ATP8A1: variants seen among roughly 807,000 people sequenced by gnomAD.
ATP8A1 encodes the protein phospholipid-transporting ATPase IA.
In ATP8A1, 90 loss-of-function variants were observed where a neutral mutation model predicts 177.7. The ratio of observed to expected loss-of-function variants is 0.51; its 90% CI spans 0.43 to 0.60. The LOEUF (loss-of-function observed/expected upper bound fraction) is 0.60, where lower values mean the gene tolerates loss of function less well. Ranked by LOEUF, ATP8A1 falls within the 20% of genes least tolerant of loss-of-function variation. ATP8A1 has a pLI of 0.00. For missense variants in ATP8A1, 1,072 were observed against 1,392.8 expected, an observed-to-expected ratio of 0.77 and a Z score of 3.67; for synonymous variants, 493 against 485.9, an observed-to-expected ratio of 1.01 and a Z score of -0.19.
At chr4:42,417,644 G>A (rs1713397554) in intron 35 of ATP8A1, among the ~76,000 whole-genome samples, 1 of 152,230 alleles carries the variant, frequency 6.6e-6, no homozygotes, top group South Asian at 2.1e-4. Context: ...GAATGTGTTG[G>A]AACGTGTTGT....
chr4:42,560,737 G>C lies in ATP8A1; in HGVS notation c.1341-4697C>G, dbSNP rs146855297. 2.4e-3 allele frequency among the ~76,000 whole-genome samples: 368 copies of C among 152,032 alleles called. 3 individuals are homozygous for C. The highest frequency in any genetic ancestry group is 8.4e-3 in the African/African-American group (347 of 41,480). ...TTTAACTACATAACATGCACATACA[G>C]GGAATTTCTTTATTTAGGAGCTGGT... On this transcript the variant is annotated intron_variant, in intron 15 of 36. Coordinates refer to ENST00000381668, the MANE Select transcript of ATP8A1 (RefSeq NM_006095.2).
chr4:42,550,409 A>G (rs1408837711), intron 18 of ATP8A1, among the ~76,000 whole-genome samples: 1 of 152,142 alleles, frequency 6.6e-6, no homozygotes, highest in Non-Finnish European at 1.5e-5. Flanking sequence ...TGATAGGAGC[A>G]TTTTGTTCCA....
chr4:42,547,913 T>G (rs1020840853), intron 19 of ATP8A1, among the ~76,000 whole-genome samples: 2 of 152,212 alleles, frequency 1.3e-5, no homozygotes, highest in African/African-American at 4.8e-5. Flanking sequence ...CTTATTTCCT[T>G]GAGCAGCAGC....
chr4:42,603,152 T>C (rs1165577440), intron 5 of ATP8A1, among the ~76,000 whole-genome samples: 12 of 152,188 alleles, frequency 7.9e-5, no homozygotes, highest in Admixed American at 7.9e-4. Context: ...ATGAATAAGC[T>C]CCAGAGAACA....
intron 33 of ATP8A1, among the ~76,000 whole-genome samples, chr4:42,427,491 G>A (rs1465677231): frequency 1.3e-5 from 2 of 152,240 alleles, no homozygotes; most frequent in Admixed American, 6.5e-5. Context: ...TTGGTGGAGT[G>A]AGAGGTGTAT....
rs1230952632 is a variant in ATP8A1, at chr4:42,536,075, AC to A, written c.1722+7841del. On this transcript the variant is annotated intron_variant, in intron 20 of 36. Coordinates refer to ENST00000381668, the MANE Select transcript of ATP8A1 (RefSeq NM_006095.2). ...GAACTAGGGGAACAAGAGCAAACCA[AC>A]CCCAAACCCAGCAGAATAAATTACC... 3.3e-5 allele frequency among the ~76,000 whole-genome samples: 5 copies of A among 152,172 alleles called. No individual in the cohort carries two copies. The East Asian group carries it at 9.6e-4, about 29-fold the overall frequency.
chr4:42,489,954 T>G (rs1722579004), intron 24 of ATP8A1, among the ~76,000 whole-genome samples: 1 of 152,148 alleles, frequency 6.6e-6, no homozygotes, highest in South Asian at 2.1e-4. Flanking sequence ...GATCTCTATT[T>G]CCTTGTTCTG....
chr4:42,652,375 C>T (rs1279293363), intron 1 of ATP8A1, among the ~76,000 whole-genome samples: 1 of 152,106 alleles, frequency 6.6e-6, no homozygotes, highest in Non-Finnish European at 1.5e-5. Context: ...AATAAGATCC[C>T]TGATAATTTA....
intron 10 of ATP8A1, among the ~76,000 whole-genome samples, chr4:42,580,662 G>A (rs1468875745): frequency 2.6e-5 from 4 of 152,196 alleles, no homozygotes; most frequent in Non-Finnish European, 5.9e-5. Flanking sequence ...ATCACTAACA[G>A]CAATCTCGCT....
intron 16 of ATP8A1, among the ~76,000 whole-genome samples, chr4:42,555,300 T>C (rs549294064): frequency 6.6e-6 from 1 of 152,162 alleles, no homozygotes; most frequent in African/African-American, 2.4e-5. Context: ...TATTGTATAT[T>C]TAGCCTATGG....
At chr4:42,642,108 T>C (rs1439598453) in intron 1 of ATP8A1, among the ~76,000 whole-genome samples, 1 of 152,144 alleles carries the variant, frequency 6.6e-6, no homozygotes, top group Non-Finnish European at 1.5e-5. Flanking sequence ...ACATACACTG[T>C]CCACAAACAA....
At chr4:42,569,373 CATA>C (rs1213368170) in intron 14 of ATP8A1, among the ~76,000 whole-genome samples, 168 bp from the exon 15 acceptor site, 16 of 152,144 alleles carry the variant, frequency 1.1e-4, no homozygotes, top group African/African-American at 2.9e-4. Context: ...GCAAATAGAA[CATA>C]ATGATTCATG....
Position 42,524,815 on chromosome 4 carries a change from C to T in ATP8A1, c.1755G>A (p.Thr585=), listed in dbSNP as rs561646938. 3.8e-5 allele frequency: 61 copies of T among 1,609,762 alleles called. No individual in the cohort carries two copies. The highest frequency in any genetic ancestry group is 2.6e-4 in the South Asian group (24 of 90,670). ...DTVIYDRLAE[T]SKYKEITLKH... Reference sequence around the variant, plus strand: ...TTAGGGTAATTTCTTTGTATTTTGACGTCTCTGCCAGTCGATCATAAATTA... The same window carrying T: ...TTAGGGTAATTTCTTTGTATTTTGATGTCTCTGCCAGTCGATCATAAATTA... Residue 585 remains threonine (T), a synonymous_variant, in exon 21 of 37, where the codon ACG becomes ACA. Transcript: ENST00000381668.
At chr4:42,460,795 C>T (rs1226897302) in intron 27 of ATP8A1, among the ~76,000 whole-genome samples, 1 of 152,080 alleles carries the variant, frequency 6.6e-6, no homozygotes, top group Non-Finnish European at 1.5e-5. Flanking sequence ...TTTATGAGAC[C>T]ATGGTGGGTC....
Position 42,410,240 on chromosome 4 carries a change from A to G in ATP8A1, c.*2676T>C, listed in dbSNP as rs1712434300. 6.6e-6 allele frequency: 1 copy of G among 152,152 alleles called. No homozygotes were observed. 9.4% of individuals were successfully genotyped at this position (152,152 alleles called of 1,614,324 possible). ...TGCTCAATACCACTGTATACTATTC[A>G]ACATTAAAGAAGCAACTTCCAGCTT... On this transcript the variant is annotated 3_prime_UTR_variant, in exon 37 of 37. Transcript: ENST00000381668.
intron 15 of ATP8A1, among the ~76,000 whole-genome samples, chr4:42,558,555 T>G (rs1196122194): frequency 3.3e-5 from 5 of 152,226 alleles, no homozygotes; most frequent in African/African-American, 9.6e-5. Flanking sequence ...CAATAAAAAT[T>G]AAAATATTCA....
intron 25 of ATP8A1, among the ~76,000 whole-genome samples, chr4:42,483,073 T>C (rs140359019): frequency 4.1e-4 from 63 of 152,232 alleles, no homozygotes; most frequent in African/African-American, 1.4e-3. Flanking sequence ...TTGGGTTTAA[T>C]TGGAAAGAAT....
In ATP8A1 at chr4:42,627,028, G is replaced by C. The variant is rs1738176760; in HGVS notation, c.131C>G (p.Pro44Arg). Residue 44 changes from proline to arginine, a missense_variant, in exon 2 of 37, where the codon CCC becomes CGC. Physicochemically the swap from Pro to Arg is moderately radical, Grantham distance 103. Coordinates refer to ENST00000381668, the MANE Select transcript of ATP8A1 (RefSeq NM_006095.2). Reference protein sequence around the residue: ...EEVRTIFINQPQLTKFCNNHV... With the variant: ...EEVRTIFINQRQLTKFCNNHV... The stretch of plus-strand genomic sequence containing the variant: ...GTTATTGCAGAATTTTGTCAGCTGG[G>C]GCTGGTTGATGAAAATAGTCCTTAC... The C allele has an allele frequency of 6.2e-7, 1 of 1,613,920 alleles. No individual in the cohort carries two copies. The highest frequency in any genetic ancestry group is 1.7e-5 in the Admixed American group (1 of 59,996).
chr4:42,428,006 C>A (rs1714817183), intron 33 of ATP8A1, among the ~76,000 whole-genome samples: 1 of 152,188 alleles, frequency 6.6e-6, no homozygotes, highest in Non-Finnish European at 1.5e-5. Flanking sequence ...CACTATGTGG[C>A]TCATTAGGCA....
Sources: allele counts gnomAD v4.1 joint callset (sites outside exome capture counted in the v4.1 genomes callset), GRCh38; gene constraint gnomAD v4.1.1; transcripts MANE v1.5; gene names NCBI Gene and HGNC (gene_info 2026-07-23, HGNC 2026-07-21).